Variants in NPAS3 observed in about 807,000 individuals in gnomAD.
NPAS3 encodes neuronal PAS domain protein 3, also known as neuronal PAS domain-containing protein 3.
In NPAS3, 14 loss-of-function variants were observed where a neutral mutation model predicts 73.1. That is an observed-to-expected ratio of 0.19 (90% CI 0.13 to 0.30). The LOEUF is 0.30. Ranked by LOEUF, NPAS3 falls within the 10% of genes least tolerant of loss-of-function variation. The pLI, the probability that NPAS3 is intolerant of heterozygous loss-of-function variation, is 1.00. For synonymous variants in NPAS3, 620 were observed against 541.5 expected (o/e 1.14, Z -2.01); for missense variants, 1,096 against 1,250.0 (o/e 0.88, Z 1.86).
intron 6 of NPAS3, among the ~76,000 whole-genome samples, chr14:33,679,409 C>G (rs551081486): frequency 6.6e-6 from 1 of 152,326 alleles, no homozygotes; most frequent in South Asian, 2.1e-4. Flanking sequence ...ATGTCAGGCA[C>G]TACATCACAA....
chr14:33,686,761 C>T (rs1483684874), intron 6 of NPAS3, among the ~76,000 whole-genome samples: 1 of 152,160 alleles, frequency 6.6e-6, no homozygotes, highest in Non-Finnish European at 1.5e-5. Flanking sequence ...CAGTGTGCCT[C>T]TAAATAGCCC....
rs540615963 is a variant in NPAS3, at chr14:33,794,923, C to T, written c.1301+879C>T. On this transcript the variant is annotated intron_variant, in intron 10 of 11. Transcript: ENST00000356141. The stretch of plus-strand genomic sequence containing the variant: ...CATTCTGGTCTTTGGCTTCTCCTGG[C>T]CTAAAGCCACCAAGCAGAGCCCACA... 1.2e-4 allele frequency among the ~76,000 whole-genome samples: 19 copies of T among 152,258 alleles called. No individual in the cohort carries two copies. In the South Asian group the frequency reaches 3.9e-3, roughly 32 times the overall value.
chr14:33,707,462 A>G (rs1595476032), intron 6 of NPAS3, among the ~76,000 whole-genome samples: 1 of 152,224 alleles, frequency 6.6e-6, no homozygotes, highest in African/African-American at 2.4e-5. Flanking sequence ...ACTTTAGCAA[A>G]TTAAAATCCA....
chr14:33,250,158 G>C (rs1273261270), intron 3 of NPAS3, among the ~76,000 whole-genome samples: 1 of 152,064 alleles, frequency 6.6e-6, no homozygotes, highest in Non-Finnish European at 1.5e-5. Flanking sequence ...ATAACATGCT[G>C]TTACAAGCCT....
intron 2 of NPAS3, among the ~76,000 whole-genome samples, chr14:33,089,083 T>TCAGAGTG (rs1218433545): frequency 8.5e-6 from 1 of 118,186 alleles, no homozygotes; most frequent in African/African-American, 3.8e-5. Flanking sequence ...ATTCTAAAAA[T>TCAGAGTG]CAGAGTGCCT....
chr14:33,470,455 C>G (rs1311685383), intron 4 of NPAS3, among the ~76,000 whole-genome samples: 1 of 152,100 alleles, frequency 6.6e-6, no homozygotes, highest in African/African-American at 2.4e-5. Context: ...CCGTATTGAA[C>G]CATAGGCTTA....
chr14:33,211,115 A>G (rs1566681436), intron 2 of NPAS3, among the ~76,000 whole-genome samples: 1 of 152,220 alleles, frequency 6.6e-6, no homozygotes. Flanking sequence ...AAAAAGACTC[A>G]TTTAACTTAA....
chr14:33,042,414 C>T (rs532376513), intron 1 of NPAS3, among the ~76,000 whole-genome samples: 1 of 152,270 alleles, frequency 6.6e-6, no homozygotes, highest in African/African-American at 2.4e-5. Flanking sequence ...TCAACAAGGA[C>T]TTGCCCACCC....
chr14:33,375,745 A>G (rs1271451498), intron 4 of NPAS3, among the ~76,000 whole-genome samples: 1 of 152,212 alleles, frequency 6.6e-6, no homozygotes, highest in Non-Finnish European at 1.5e-5. Flanking sequence ...AAAGTTGAAC[A>G]TTAACTCACA....
At chr14:33,527,536 T>A (rs796527866) in intron 4 of NPAS3, among the ~76,000 whole-genome samples, 42 of 152,332 alleles carry the variant, frequency 2.8e-4, no homozygotes, top group African/African-American at 9.9e-4. Context: ...TATGATTTTA[T>A]GTGCACGTAC....
At chr14:33,357,657 C>T (rs764650890) in intron 3 of NPAS3, among the ~76,000 whole-genome samples, 3 of 152,190 alleles carry the variant, frequency 2.0e-5, no homozygotes, top group Non-Finnish European at 4.4e-5. Context: ...CTAGAGTGTT[C>T]GCTCATTCAC....
intron 2 of NPAS3, among the ~76,000 whole-genome samples, chr14:33,101,127 G>A (rs1483814788): frequency 6.6e-6 from 1 of 151,874 alleles, no homozygotes; most frequent in African/African-American, 2.4e-5. Flanking sequence ...TACCATCACC[G>A]CCCTGCCCCC....
intron 3 of NPAS3, among the ~76,000 whole-genome samples, chr14:33,318,446 T>C (rs1051583449): frequency 6.6e-6 from 1 of 152,126 alleles, no homozygotes; most frequent in Non-Finnish European, 1.5e-5. Flanking sequence ...TACTTAACAT[T>C]ACTGAACCAT....
chr14:33,261,513 T>TA (rs1046879907), intron 3 of NPAS3, among the ~76,000 whole-genome samples: 1 of 152,080 alleles, frequency 6.6e-6, no homozygotes, highest in East Asian at 1.9e-4. Context: ...ATTATACCAG[T>TA]AAAAAATATA....
chr14:33,284,189 AG>A (rs1483755984), intron 3 of NPAS3, among the ~76,000 whole-genome samples: 1 of 152,204 alleles, frequency 6.6e-6, no homozygotes, highest in African/African-American at 2.4e-5. Context: ...AACAGATATT[AG>A]AGGAAGAAAC....
intron 6 of NPAS3, among the ~76,000 whole-genome samples, chr14:33,716,710 G>A (rs1245929437): frequency 6.6e-6 from 1 of 151,924 alleles, no homozygotes; most frequent in East Asian, 1.9e-4. Flanking sequence ...TCATATAAGC[G>A]AATTCTCATC....
At chr14:33,211,932 C>A (rs1176614535) in intron 2 of NPAS3, among the ~76,000 whole-genome samples, 1 of 151,760 alleles carries the variant, frequency 6.6e-6, no homozygotes, top group Admixed American at 6.6e-5. Flanking sequence ...GAAGTTTAAT[C>A]GTATTTTAGA....
At chr14:33,151,343 A>G (rs1349295982) in intron 2 of NPAS3, among the ~76,000 whole-genome samples, 1 of 152,220 alleles carries the variant, frequency 6.6e-6, no homozygotes, top group South Asian at 2.1e-4. Flanking sequence ...TTTAACGTAA[A>G]TAAGTAAGAT....
At chr14:33,754,034 C>G (rs10129690) in intron 7 of NPAS3, among the ~76,000 whole-genome samples, 10,075 of 152,042 alleles carry the variant, frequency 0.066, 1,062 homozygotes, top group African/African-American at 0.23. Flanking sequence ...ATGCCTGAGC[C>G]TATTAAGAAA....
Sources: gnomAD v4.1 joint callset for allele counts (sites outside exome capture counted in the v4.1 genomes callset) on GRCh38, gnomAD v4.1.1 for gene constraint, MANE v1.5 for transcripts, NCBI Gene and HGNC (gene_info 2026-07-23, HGNC 2026-07-21) for gene names.